The following SORL1 variants were observed in gnomAD, a reference collection of about 807,000 sequenced individuals.
SORL1 encodes the protein sortilin-related receptor.
In SORL1, 127 loss-of-function variants were observed where a neutral mutation model predicts 273.7. The observed-to-expected ratio is 0.46, with a 90% CI of 0.40 to 0.54. The LOEUF (loss-of-function observed/expected upper bound fraction) is 0.54. Ranked by LOEUF, SORL1 falls within the 20% of genes least tolerant of loss-of-function variation. SORL1 has a pLI of 0.00. For missense variants in SORL1, 2,494 were observed against 2,846.1 expected (o/e 0.88, Z 2.81); for synonymous variants, 1,031 against 1,067.4 (o/e 0.97, Z 0.66).
intron 45 of SORL1, among the ~76,000 whole-genome samples, chr11:121,622,860 C>T (rs1183144909): frequency 2.6e-5 from 4 of 152,202 alleles, no homozygotes; most frequent in Non-Finnish European, 4.4e-5. Context: ...CAAGGGTGGA[C>T]AGATTCTTGA....
chr11:121,586,346 C>G lies in SORL1; in HGVS notation c.3814+17C>G. The G allele has an allele frequency of 1.3e-6, 2 of 1,584,450 alleles. No homozygotes were observed. On this transcript the variant is annotated intron_variant, in intron 27 of 47. Coordinates refer to ENST00000260197, the MANE Select transcript of SORL1 (RefSeq NM_003105.6). Reference sequence around the variant, plus strand: ...AGCACTGCGGTGAGTTCATTCCTTGCCCCCAGGAAGCACTCAGGCCTAGTG... The same window carrying G: ...AGCACTGCGGTGAGTTCATTCCTTGGCCCCAGGAAGCACTCAGGCCTAGTG...
chr11:121,456,440 A>G (rs1166802765), intron 1 of SORL1, among the ~76,000 whole-genome samples: 1 of 152,216 alleles, frequency 6.6e-6, no homozygotes, highest in Non-Finnish European at 1.5e-5. Flanking sequence ...GAGGGTAGGA[A>G]GCACATTCAC....
At chr11:121,590,249 G>T (rs1011680810) in intron 30 of SORL1, 75 bp downstream of exon 30, 1 of 1,446,430 alleles carries the variant, frequency 6.9e-7, no homozygotes, top group Non-Finnish European at 9.3e-7. Flanking sequence ...TATGCAGGAT[G>T]TGCCTGGCTG....
Position 121,627,309 on chromosome 11 carries a change from C to T in SORL1, c.6365-246C>T. ...GAGATTATCTAAATAACCAACAAGG[C>T]AGTGATTAGGAGTCTAATGTAATTA... On this transcript the variant is annotated intron_variant, in intron 46 of 47. Coordinates refer to ENST00000260197, the MANE Select transcript of SORL1 (RefSeq NM_003105.6). The surrounding 1 kb of genome is among the most constrained non-coding windows in gnomAD (Gnocchi z 4.9). 1 of 519,328 alleles carries T rather than the reference C, an allele frequency of 1.9e-6. No homozygotes were observed. The highest frequency in any genetic ancestry group is 3.3e-5 in the East Asian group (1 of 30,738). The allele number at this position is 519,328 out of a possible 1,614,324, so 32.2% of individuals were successfully genotyped here.
intron 12 of SORL1, among the ~76,000 whole-genome samples, chr11:121,542,955 A>T (rs1344506599): frequency 6.6e-6 from 1 of 151,386 alleles, no homozygotes; most frequent in African/African-American, 2.4e-5. Flanking sequence ...AGGCAGGCGG[A>T]TCACGAGGTC....
At chr11:121,569,203 G>A (rs1196806779) in intron 22 of SORL1, among the ~76,000 whole-genome samples, 3 of 152,006 alleles carry the variant, frequency 2.0e-5, no homozygotes, top group Non-Finnish European at 4.4e-5. Flanking sequence ...CGTCATCTTC[G>A]TAAGCTGAGG....
At chr11:121,553,248 T>C (rs988378953) in intron 16 of SORL1, among the ~76,000 whole-genome samples, 1 of 152,202 alleles carries the variant, frequency 6.6e-6, no homozygotes, top group East Asian at 1.9e-4. Flanking sequence ...TAACAAGAGT[T>C]CTACCATCAG....
At chr11:121,608,034 A>G (rs2134927738) in intron 37 of SORL1, 70 bp from the exon 38 acceptor site, 1 of 1,368,214 alleles carries the variant, frequency 7.3e-7, no homozygotes, top group Admixed American at 1.7e-5. Context: ...TAGCTCATTC[A>G]GTATTCTTAC....
chr11:121,478,271 C>T (rs182092071), intron 3 of SORL1, 28 bp downstream of exon 3: 21 of 1,608,132 alleles, frequency 1.3e-5, no homozygotes, highest in African/African-American at 9.4e-5. Context: ...CCTCCTGTCC[C>T]GACTTCATGG....
At chr11:121,586,693 T>TGGGG (rs376563096) in intron 27 of SORL1, among the ~76,000 whole-genome samples, 23 of 97,200 alleles carry the variant, frequency 2.4e-4, no homozygotes, top group South Asian at 4.8e-4. Flanking sequence ...GGGGGTAGAG[T>TGGGG]GGGGGGGGGG....
intron 12 of SORL1, among the ~76,000 whole-genome samples, chr11:121,537,049 G>A (rs570195806): frequency 1.6e-4 from 24 of 152,216 alleles, no homozygotes; most frequent in African/African-American, 4.6e-4. Context: ...AAGCAAGGTC[G>A]GAATGCTTTT....
rs749389644 is a variant in SORL1 at position 121,470,073 on chromosome 11, G to T, written c.352G>T (p.Val118Leu). ...HWAGEKSNVIVALARDSLALA... is the reference protein window; with the variant it reads ...HWAGEKSNVILALARDSLALA... Reference sequence around the variant, plus strand: ...GGCTGGAGAGAAAAGCAACGTGATCGTGGCCTTGGCCCGAGATAGCCTGGC... The same window carrying T: ...GGCTGGAGAGAAAAGCAACGTGATCTTGGCCTTGGCCCGAGATAGCCTGGC... The change falls in exon 2 of 48, where the codon GTG becomes TTG. Residue 118 changes from valine to leucine, a missense_variant. Around this residue, in one of 3 missense-constraint regions of SORL1, gnomAD observed 710 missense variants for 882.5 expected, o/e 0.80. Transcript: ENST00000260197. 6.2e-7 allele frequency: 1 copy of T among 1,614,142 alleles called. No individual in the cohort carries two copies. The highest frequency in any genetic ancestry group is 1.7e-5 in the Admixed American group (1 of 60,028).
intron 12 of SORL1, among the ~76,000 whole-genome samples, chr11:121,535,670 GTT>G (rs200202749): frequency 7.0e-6 from 1 of 143,326 alleles, no homozygotes; most frequent in South Asian, 2.2e-4. Context: ...AAACATTAGG[GTT>G]TTTTTTTTTT....
intron 5 of SORL1, among the ~76,000 whole-genome samples, chr11:121,496,125 T>C (rs542973733): frequency 7.9e-5 from 12 of 152,338 alleles, no homozygotes; most frequent in African/African-American, 2.6e-4. Context: ...AGGACAGCAC[T>C]GAGGAAGGCT....
chr11:121,595,898 C>A lies in SORL1; in HGVS notation c.4519+126C>A. ...GAGTCTGTGTACTTGCGTAACCATG[C>A]TCTTACTGCATTCTCCACAAGCGCT... On this transcript the variant is annotated intron_variant, in intron 32 of 47. Coordinates refer to ENST00000260197, the MANE Select transcript of SORL1 (RefSeq NM_003105.6). This position sits in a 1 kb window ranked among gnomAD's most constrained non-coding sequence, Gnocchi z 5.1. 2.0e-6 allele frequency: 2 copies of A among 1,008,166 alleles called. No homozygotes were observed. The highest frequency in any genetic ancestry group is 2.8e-6 in the Non-Finnish European group (2 of 708,912). 62.5% of individuals were successfully genotyped at this position (1,008,166 alleles called of 1,614,324 possible).
intron 44 of SORL1, 108 bp downstream of exon 44, chr11:121,621,346 G>A: frequency 2.1e-6 from 2 of 955,964 alleles, no homozygotes; most frequent in Non-Finnish European, 3.1e-6. Flanking sequence ...CACAGGGAGT[G>A]CAAACGCTGC....
chr11:121,620,499 C>G (rs1041196069), intron 43 of SORL1, among the ~76,000 whole-genome samples: 10 of 152,204 alleles, frequency 6.6e-5, no homozygotes, highest in African/African-American at 2.4e-4. Flanking sequence ...CTCCACTCCC[C>G]TTCATCCAGC....
chr11:121,492,419 A>G (rs962904267), intron 5 of SORL1, among the ~76,000 whole-genome samples: 26 of 152,122 alleles, frequency 1.7e-4, no homozygotes, highest in African/African-American at 6.3e-4. Flanking sequence ...ATGAATAAAA[A>G]TAAAATTGCA....
At chr11:121,561,380 G>A (rs1243964333) in intron 21 of SORL1, among the ~76,000 whole-genome samples, 2 of 152,184 alleles carry the variant, frequency 1.3e-5, no homozygotes, top group Admixed American at 6.5e-5. Context: ...TGCAAACGTG[G>A]TGTCTTGGTG....
Sources: gnomAD v4.1 joint callset for allele counts (sites outside exome capture counted in the v4.1 genomes callset) on GRCh38, gnomAD v4.1.1 for gene constraint, gnomAD v4.1.1 regional missense constraint, Gnocchi (gnomAD v3.1) non-coding constraint, MANE v1.5 for transcripts, NCBI Gene and HGNC (gene_info 2026-07-23, HGNC 2026-07-21) for gene names.